TRDN: variants seen among roughly 807,000 people sequenced by gnomAD.
TRDN encodes the protein triadin in skeletal muscle.
A neutral mutation model predicts 149.7 loss-of-function variants in TRDN; 161 were observed. That is an observed-to-expected ratio of 1.08 (90% CI 0.95 to 1.23). TRDN has a LOEUF of 1.23. TRDN is among the 50% of genes most tolerant of loss of function. The pLI, the probability that TRDN is intolerant of heterozygous loss-of-function variation, is 0.00. For missense variants in TRDN, 896 were observed against 823.5 expected, an observed-to-expected ratio of 1.09 and a Z score of -1.08; for synonymous variants, 294 against 250.5, an observed-to-expected ratio of 1.17 and a Z score of -1.64.
intron 31 of TRDN, among the ~76,000 whole-genome samples, chr6:123,267,981 G>C (rs779166653): frequency 6.6e-6 from 1 of 152,106 alleles, no homozygotes; most frequent in Non-Finnish European, 1.5e-5. Context: ...CTGAAAGACA[G>C]TATTAGGGTT....
chr6:123,403,314 G>T (rs1413881628), intron 12 of TRDN, among the ~76,000 whole-genome samples: 1 of 152,116 alleles, frequency 6.6e-6, no homozygotes, highest in Admixed American at 6.6e-5. Flanking sequence ...AAAGAGCATA[G>T]AAGGAAGCCT....
intron 1 of TRDN, among the ~76,000 whole-genome samples, chr6:123,594,417 T>C (rs1034538244): frequency 6.6e-6 from 1 of 152,076 alleles, no homozygotes; most frequent in African/African-American, 2.4e-5. Context: ...CTGTGAAGGA[T>C]AGAGCTTTCA....
chr6:123,336,977 A>G (rs1779896588), intron 22 of TRDN, among the ~76,000 whole-genome samples: 1 of 151,958 alleles, frequency 6.6e-6, no homozygotes. Flanking sequence ...CTGTATGTGG[A>G]CATTATTCTT....
chr6:123,321,265 G>A (rs1256353943), intron 23 of TRDN, among the ~76,000 whole-genome samples: 1 of 152,022 alleles, frequency 6.6e-6, no homozygotes. Context: ...TACTTCGAAT[G>A]GTGCCAGGTA....
chr6:123,549,629 A>C (rs533336863), intron 2 of TRDN, among the ~76,000 whole-genome samples: 48 of 152,174 alleles, frequency 3.2e-4, no homozygotes, highest in African/African-American at 1.1e-3. Context: ...AGTCATTGGA[A>C]GATTTGAGCA....
chr6:123,449,975 A>G (rs754048422), intron 10 of TRDN, among the ~76,000 whole-genome samples: 4 of 152,216 alleles, frequency 2.6e-5, no homozygotes, highest in Non-Finnish European at 5.9e-5. Flanking sequence ...ACTAAGCATC[A>G]TATATGAAGG....
At chr6:123,522,464 G>T (rs1027336822) in intron 5 of TRDN, among the ~76,000 whole-genome samples, 1 of 144,900 alleles carries the variant, frequency 6.9e-6, no homozygotes, top group Non-Finnish European at 1.5e-5. Flanking sequence ...AGGAAAATTA[G>T]AAATACATTA....
At chr6:123,456,013 CAA>C (rs990131780) in intron 10 of TRDN, among the ~76,000 whole-genome samples, 64 of 152,040 alleles carry the variant, frequency 4.2e-4, no homozygotes, top group African/African-American at 1.5e-3. Flanking sequence ...GGTTGCAACT[CAA>C]AACCAAAACA....
chr6:123,314,524 T>C (rs1408938757), intron 24 of TRDN, among the ~76,000 whole-genome samples: 1 of 151,942 alleles, frequency 6.6e-6, no homozygotes, highest in Non-Finnish European at 1.5e-5. Context: ...AATCCTTCTG[T>C]TATAAAGACA....
At chr6:123,337,947 A>G (rs574436879) in intron 21 of TRDN, among the ~76,000 whole-genome samples, 1 of 152,328 alleles carries the variant, frequency 6.6e-6, no homozygotes, top group South Asian at 2.1e-4. Flanking sequence ...AAGAAGAAAG[A>G]TATAAGAATG....
chr6:123,422,790 C>T (rs575119247), intron 12 of TRDN, among the ~76,000 whole-genome samples: 1 of 152,134 alleles, frequency 6.6e-6, no homozygotes, highest in Non-Finnish European at 1.5e-5. Flanking sequence ...TACTTATTAC[C>T]TAAGGTTAAA....
chr6:123,223,970 A>G, intron 39 of TRDN, 123 bp downstream of exon 39: 1 of 762,422 alleles, frequency 1.3e-6, no homozygotes. Flanking sequence ...CCTACCATGT[A>G]AATGTTGCCT....
chr6:123,300,333 G>A (rs1562251588), intron 24 of TRDN, among the ~76,000 whole-genome samples: 2 of 151,972 alleles, frequency 1.3e-5, no homozygotes, highest in Non-Finnish European at 2.9e-5. Flanking sequence ...TTTTGGAGGA[G>A]TCTCAAATAC....
chr6:123,309,133 C>A (rs1228780590), intron 24 of TRDN, among the ~76,000 whole-genome samples: 3 of 151,934 alleles, frequency 2.0e-5, no homozygotes, highest in East Asian at 3.9e-4. Context: ...ACTCTACATG[C>A]CATTATGACT....
rs547622998 is a variant in TRDN, at chr6:123,337,865, T to C, written c.1370-196A>G. On this transcript the variant is annotated intron_variant, in intron 21 of 40. Coordinates refer to ENST00000334268, the MANE Select transcript of TRDN (RefSeq NM_006073.4). ...ATGTAAACAATAGAAAATAAGCCCA[T>C]GAATTTCTATCACTAGTACAGACTA... 5.2e-4 allele frequency among the ~76,000 whole-genome samples: 79 copies of C among 152,238 alleles called. 1 individual carries two copies. In the South Asian group the frequency reaches 0.015, roughly 30 times the overall value.
chr6:123,371,788 C>T (rs1781336122), intron 19 of TRDN, among the ~76,000 whole-genome samples: 1 of 152,072 alleles, frequency 6.6e-6, no homozygotes, highest in Non-Finnish European at 1.5e-5. Context: ...GCATGCCTTA[C>T]CCTACCACCT....
intron 1 of TRDN, among the ~76,000 whole-genome samples, chr6:123,597,969 A>T (rs1176794196): frequency 6.6e-6 from 1 of 152,054 alleles, no homozygotes; most frequent in Non-Finnish European, 1.5e-5. Flanking sequence ...TCCTTTGAAG[A>T]TGACTTTAGT....
chr6:123,636,893 G>A lies in TRDN; in HGVS notation c.-118C>T. ...CTGTGTCAAAACCTGGGGGCTCTTC[G>A]TTTTCCTGGCTGTTTCTGCTGCTTC... is the stretch of plus-strand genomic sequence containing the variant. On this transcript the variant is annotated 5_prime_UTR_variant, in exon 1 of 41. In the 5' UTR this introduces an upstream ATG that the reference lacks. Transcript: ENST00000334268. 8.5e-7 allele frequency: 1 copy of A among 1,177,438 alleles called. No individual in the cohort carries two copies. 72.9% of individuals were successfully genotyped at this position (1,177,438 alleles called of 1,614,324 possible).
At chr6:123,536,839 G>C (rs1051572169) in intron 4 of TRDN, among the ~76,000 whole-genome samples, 1 of 152,002 alleles carries the variant, frequency 6.6e-6, no homozygotes, top group Non-Finnish European at 1.5e-5. Flanking sequence ...AGCCATGATG[G>C]TGACACTGCA....
Sources: allele counts gnomAD v4.1 joint callset (sites outside exome capture counted in the v4.1 genomes callset), GRCh38; gene constraint gnomAD v4.1.1; transcripts MANE v1.5; gene names NCBI Gene and HGNC (gene_info 2026-07-23, HGNC 2026-07-21).